The following UBASH3B variants were observed in gnomAD, a reference collection of about 807,000 sequenced individuals.
The protein encoded by UBASH3B is ubiquitin-associated and SH3 domain-containing protein B.
UBASH3B carries 37 observed loss-of-function variants against 83.4 expected under a neutral mutation model. The ratio of observed to expected loss-of-function variants is 0.44; its 90% CI spans 0.34 to 0.58. The LOEUF is 0.58. Ranked by LOEUF, UBASH3B falls within the 20% of genes least tolerant of loss-of-function variation. UBASH3B has a pLI of 0.01. For synonymous variants in UBASH3B, 304 were observed against 318.3 expected, an observed-to-expected ratio of 0.96 and a Z score of 0.48; for missense variants, 657 against 827.2, an observed-to-expected ratio of 0.79 and a Z score of 2.52.
chr11:122,765,958 G>C (rs568813796), intron 1 of UBASH3B, among the ~76,000 whole-genome samples: 1 of 152,296 alleles, frequency 6.6e-6, no homozygotes. Flanking sequence ...GGCCTTACCT[G>C]AGGTATGCAG....
intron 1 of UBASH3B, among the ~76,000 whole-genome samples, chr11:122,753,361 G>A (rs1343425610): frequency 1.3e-5 from 2 of 151,840 alleles, no homozygotes; most frequent in Admixed American, 1.3e-4. Flanking sequence ...TGAGGCAGGA[G>A]AATGGCTTGA....
At chr11:122,672,228 G>A (rs1863605487) in intron 1 of UBASH3B, among the ~76,000 whole-genome samples, 1 of 151,814 alleles carries the variant, frequency 6.6e-6, no homozygotes, top group African/African-American at 2.4e-5. Flanking sequence ...CCAAGCAGAT[G>A]ACTTCAACAT....
chr11:122,792,296 T>A (rs1404142429), intron 6 of UBASH3B, among the ~76,000 whole-genome samples: 2 of 147,212 alleles, frequency 1.4e-5, no homozygotes, highest in African/African-American at 5.0e-5. Flanking sequence ...TAAAACTGGA[T>A]TTTCTTTTTT....
chr11:122,774,020 T>C, intron 1 of UBASH3B: 9 of 985,266 alleles, frequency 9.1e-6, no homozygotes, highest in Non-Finnish European at 1.1e-5. Context: ...TAAAAGGTCA[T>C]GATTTGTGTT....
intron 1 of UBASH3B, among the ~76,000 whole-genome samples, chr11:122,678,870 G>T (rs1245788240): frequency 1.3e-5 from 2 of 152,204 alleles, no homozygotes; most frequent in African/African-American, 2.4e-5. Context: ...CGCCTGATTT[G>T]CTGCATAATC....
chr11:122,657,117 C>G (rs547370005), intron 1 of UBASH3B, among the ~76,000 whole-genome samples: 2 of 152,304 alleles, frequency 1.3e-5, no homozygotes, highest in East Asian at 1.9e-4. Context: ...CCCTGCCGTG[C>G]AGATTTCTTA....
At chr11:122,773,314 G>A (rs1279921897) in intron 1 of UBASH3B, among the ~76,000 whole-genome samples, 1 of 151,992 alleles carries the variant, frequency 6.6e-6, no homozygotes, top group Non-Finnish European at 1.5e-5. Context: ...GGGCAGAGTT[G>A]TAGGAACACA....
chr11:122,800,340 C>T (rs1047757713), intron 10 of UBASH3B, among the ~76,000 whole-genome samples: 1 of 147,164 alleles, frequency 6.8e-6, no homozygotes, highest in East Asian at 2.0e-4. Flanking sequence ...GAGATCGAGA[C>T]CATCCTGGCT....
intron 1 of UBASH3B, 134 bp downstream of exon 1, chr11:122,656,344 G>C: frequency 2.1e-6 from 2 of 951,558 alleles, no homozygotes; most frequent in Non-Finnish European, 2.7e-6. Context: ...TGTTGGGGGC[G>C]GGATGGGCGC....
At chr11:122,706,417 C>T (rs2135933095) in intron 1 of UBASH3B, among the ~76,000 whole-genome samples, 1 of 152,324 alleles carries the variant, frequency 6.6e-6, no homozygotes, top group South Asian at 2.1e-4. Flanking sequence ...CTTGTTTGCA[C>T]ATCTGGCCAT....
At chr11:122,710,153 CAAAA>C (rs533815380) in intron 1 of UBASH3B, among the ~76,000 whole-genome samples, 2 of 65,250 alleles carry the variant, frequency 3.1e-5, no homozygotes, top group Non-Finnish European at 6.3e-5. Context: ...GAGACTGTCT[CAAAA>C]AAAAAAAAAA....
chr11:122,662,453 G>A (rs1295592949), intron 1 of UBASH3B, among the ~76,000 whole-genome samples: 120 of 140,162 alleles, frequency 8.6e-4, no homozygotes, highest in African/African-American at 3.0e-3. Context: ...TTTTGAGACA[G>A]TTTCACTCTT....
chr11:122,695,088 C>T (rs1463753414), intron 1 of UBASH3B, among the ~76,000 whole-genome samples: 4 of 149,980 alleles, frequency 2.7e-5, no homozygotes, highest in Non-Finnish European at 5.9e-5. Context: ...CTCAGCCTCC[C>T]TAGTAGCTGG....
At chr11:122,786,991 TC>T (rs953295096) in intron 5 of UBASH3B, among the ~76,000 whole-genome samples, 15 of 128,036 alleles carry the variant, frequency 1.2e-4, no homozygotes, top group Admixed American at 1.0e-3. Context: ...CCACCCCCGC[TC>T]CCCCCCCACC....
chr11:122,690,305 CAT>C (rs35794002), intron 1 of UBASH3B, among the ~76,000 whole-genome samples: 56,228 of 128,826 alleles, frequency 0.44, 11,915 homozygotes, highest in Non-Finnish European at 0.48. Context: ...TCCAATTATA[CAT>C]ATATATATAT....
intron 1 of UBASH3B, among the ~76,000 whole-genome samples, chr11:122,667,100 A>T (rs908821058): frequency 3.6e-5 from 5 of 140,400 alleles, no homozygotes; most frequent in African/African-American, 5.4e-5. Context: ...CTGGAGTGCA[A>T]TGTTGTGATC....
At chr11:122,705,843 C>T (rs1244385127) in intron 1 of UBASH3B, among the ~76,000 whole-genome samples, 3 of 152,162 alleles carry the variant, frequency 2.0e-5, no homozygotes, top group African/African-American at 4.8e-5. Flanking sequence ...CACAGGACTT[C>T]GTTCCACCCT....
Position 122,707,792 on chromosome 11 carries a change from G to A in UBASH3B, c.161+51582G>A, listed in dbSNP as rs569992110. On this transcript the variant is annotated intron_variant, in intron 1 of 13. Transcript: ENST00000284273. ...TGGCTCACTGCAACCTCCGCCTCCT[G>A]TGTTCAAGCGATTCTTCTGCCACAG... is the stretch of plus-strand genomic sequence containing the variant. Among the ~76,000 whole-genome samples, 159 of 7,854 alleles carry A rather than the reference G, an allele frequency of 0.02. 3 individuals carry two copies. In the East Asian group the frequency reaches 0.49, roughly 24 times the overall value. 5.2% of individuals were successfully genotyped at this position (7,854 alleles called of 152,430 possible).
chr11:122,663,979 G>A (rs55817861), intron 1 of UBASH3B, among the ~76,000 whole-genome samples: 15,640 of 152,210 alleles, frequency 0.1, 856 homozygotes, highest in Non-Finnish European at 0.12. Flanking sequence ...AATGAGGTCG[G>A]TATTAGTGCT....
Sources: gnomAD v4.1 joint callset for allele counts (sites outside exome capture counted in the v4.1 genomes callset) on GRCh38, gnomAD v4.1.1 for gene constraint, MANE v1.5 for transcripts, NCBI Gene and HGNC (gene_info 2026-07-23, HGNC 2026-07-21) for gene names.